The following UNC13C variants were observed in gnomAD, a reference collection of about 807,000 sequenced individuals.
The protein encoded by UNC13C is unc-13 homolog C.
In UNC13C, 174 loss-of-function variants were observed where a neutral mutation model predicts 245.4. That is an observed-to-expected ratio of 0.71 (90% CI 0.63 to 0.80). The LOEUF (loss-of-function observed/expected upper bound fraction) is 0.80, where lower values mean the gene tolerates loss of function less well. Ranked by LOEUF, UNC13C falls within the 30% of genes least tolerant of loss-of-function variation. UNC13C has a pLI of 0.00. For synonymous variants in UNC13C, 992 were observed against 895.1 expected, an observed-to-expected ratio of 1.11 and a Z score of -1.93; for missense variants, 2,829 against 2,602.9, an observed-to-expected ratio of 1.09 and a Z score of -1.89.
At chr15:54,178,984 CT>C (rs1255048038) in intron 4 of UNC13C, among the ~76,000 whole-genome samples, 1 of 152,140 alleles carries the variant, frequency 6.6e-6, no homozygotes, top group Non-Finnish European at 1.5e-5. Flanking sequence ...CAAAGGCTGA[CT>C]GAATTTTCAT....
chr15:54,238,970 A>T (rs1379127167), intron 7 of UNC13C, among the ~76,000 whole-genome samples: 1 of 152,068 alleles, frequency 6.6e-6, no homozygotes, highest in Non-Finnish European at 1.5e-5. Context: ...AGCGATTTTT[A>T]AAAAAAATTC....
At chr15:54,268,650 T>C (rs1469608981) in intron 10 of UNC13C, among the ~76,000 whole-genome samples, 1 of 152,120 alleles carries the variant, frequency 6.6e-6, no homozygotes, top group Non-Finnish European at 1.5e-5. Flanking sequence ...GGGAATGAAA[T>C]AGTGCTCAAT....
At position 54,520,944 on chromosome 15, in the gene UNC13C, T is replaced by A. The variant is rs1430102332; in HGVS notation, c.5458-4605T>A. Reference sequence around the variant, plus strand: ...ATGTCAATGAGAATGTAGTTCCAAATAAGTTTGGCTTCTCTTTCATTGTCT... The same window carrying A: ...ATGTCAATGAGAATGTAGTTCCAAAAAAGTTTGGCTTCTCTTTCATTGTCT... On this transcript the variant is annotated intron_variant, in intron 24 of 32. Transcript: ENST00000260323. Among the ~76,000 whole-genome samples the A allele has an allele frequency of 2.0e-5, 3 of 152,188 alleles. No individual in the cohort carries two copies. The East Asian group carries it at 5.8e-4, about 29-fold the overall frequency.
chr15:54,381,949 T>C (rs1337106010), intron 17 of UNC13C, among the ~76,000 whole-genome samples: 1 of 152,202 alleles, frequency 6.6e-6, no homozygotes, highest in Non-Finnish European at 1.5e-5. Context: ...CTACATATTC[T>C]TCTCATCAGC....
chr15:54,147,450 A>G (rs1378839629), intron 4 of UNC13C, among the ~76,000 whole-genome samples: 1 of 151,996 alleles, frequency 6.6e-6, no homozygotes, highest in Non-Finnish European at 1.5e-5. Flanking sequence ...CGATCTCCTG[A>G]CCTCGTGATC....
intron 23 of UNC13C, among the ~76,000 whole-genome samples, chr15:54,508,942 A>T (rs2414323): frequency 6.6e-6 from 1 of 152,122 alleles, no homozygotes; most frequent in Non-Finnish European, 1.5e-5. Context: ...GCTCACACCC[A>T]TAATTCCAGC....
intron 13 of UNC13C, among the ~76,000 whole-genome samples, chr15:54,304,016 G>A (rs1394926859): frequency 6.6e-6 from 1 of 152,072 alleles, no homozygotes; most frequent in Non-Finnish European, 1.5e-5. Flanking sequence ...CAAAACTCCT[G>A]TTCACACTAG....
At chr15:53,951,981 C>A in the UNC13C span, among the ~76,000 whole-genome samples, 1 of 152,136 alleles carries the variant, frequency 6.6e-6, no homozygotes, top group African/African-American at 2.4e-5. Flanking sequence ...ACGTTGACTG[C>A]AAGGAACAAA....
intron 17 of UNC13C, among the ~76,000 whole-genome samples, chr15:54,347,482 A>G (rs1376666016): frequency 1.3e-5 from 2 of 152,200 alleles, no homozygotes; most frequent in African/African-American, 4.8e-5. Context: ...TGCCTTAACT[A>G]AAACACATGT....
At chr15:53,886,767 C>T in the UNC13C span, among the ~76,000 whole-genome samples, 1 of 152,086 alleles carries the variant, frequency 6.6e-6, no homozygotes, top group South Asian at 2.1e-4. Flanking sequence ...TCACTAGTTA[C>T]AAATCAGGTT....
At chr15:54,296,164 G>T (rs1293010948) in intron 11 of UNC13C, among the ~76,000 whole-genome samples, 1 of 152,036 alleles carries the variant, frequency 6.6e-6, no homozygotes, top group Non-Finnish European at 1.5e-5. Flanking sequence ...CCTAGGTCTT[G>T]CATTTCTCTT....
At chr15:54,513,168 C>A (rs1404532638) in intron 24 of UNC13C, among the ~76,000 whole-genome samples, 1 of 152,062 alleles carries the variant, frequency 6.6e-6, no homozygotes, top group African/African-American at 2.4e-5. Context: ...GTGAGATTTC[C>A]TTTTCAATTT....
chr15:54,095,013 A>G (rs1899777748), intron 2 of UNC13C, among the ~76,000 whole-genome samples: 1 of 152,172 alleles, frequency 6.6e-6, no homozygotes, highest in Admixed American at 6.5e-5. Context: ...TCTGTGCAAC[A>G]TCTAAGACAA....
chr15:53,996,896 G>T (rs970770698), intron 1 of UNC13C, among the ~76,000 whole-genome samples: 1 of 146,400 alleles, frequency 6.8e-6, no homozygotes. Flanking sequence ...ATACACATTT[G>T]TTTGTGAAAA....
intron 17 of UNC13C, among the ~76,000 whole-genome samples, chr15:54,359,416 T>G (rs2039176683): frequency 6.6e-6 from 1 of 151,978 alleles, no homozygotes; most frequent in Non-Finnish European, 1.5e-5. Flanking sequence ...TCCTTAAATA[T>G]TTGATAATTC....
At chr15:53,952,333 T>C in the UNC13C span, among the ~76,000 whole-genome samples, 9 of 152,156 alleles carry the variant, frequency 5.9e-5, no homozygotes, top group African/African-American at 2.2e-4. Context: ...GGAAATAGAT[T>C]CATTCAGCTT....
At chr15:54,226,626 G>C (rs1306074814) in intron 4 of UNC13C, among the ~76,000 whole-genome samples, 1 of 152,196 alleles carries the variant, frequency 6.6e-6, no homozygotes, top group African/African-American at 2.4e-5. Context: ...GACAAGCCAG[G>C]TGCAGAGTGG....
chr15:54,206,590 A>C (rs1411592595), intron 4 of UNC13C, among the ~76,000 whole-genome samples: 1 of 152,130 alleles, frequency 6.6e-6, no homozygotes, highest in Non-Finnish European at 1.5e-5. Flanking sequence ...GACAAAACAG[A>C]TCATCCTCAC....
At chr15:54,385,317 G>C (rs953876524) in intron 17 of UNC13C, among the ~76,000 whole-genome samples, 1 of 152,056 alleles carries the variant, frequency 6.6e-6, no homozygotes, top group African/African-American at 2.4e-5. Context: ...GGGAACAACA[G>C]ATAAAGAAAG....
Sources: allele counts gnomAD v4.1 joint callset (sites outside exome capture counted in the v4.1 genomes callset), GRCh38; gene constraint gnomAD v4.1.1; transcripts MANE v1.5; gene names NCBI Gene and HGNC (gene_info 2026-07-23, HGNC 2026-07-21).